Variants in GRIN2A observed in about 807,000 individuals in gnomAD.
GRIN2A encodes glutamate ionotropic receptor NMDA type subunit 2A.
Under a neutral mutation model 113.4 loss-of-function variants are expected in GRIN2A, and 22 were observed. The observed-to-expected ratio is 0.19, with a 90% CI of 0.14 to 0.28. The LOEUF is 0.28. Among genes scored for constraint, GRIN2A ranks in the 10% least tolerant of loss-of-function variants. GRIN2A has a pLI of 1.00. For missense variants in GRIN2A, 1,502 were observed against 1,887.0 expected (o/e 0.80, Z 3.78); for synonymous variants, 827 against 738.4 (o/e 1.12, Z -1.94).
intron 2 of GRIN2A, among the ~76,000 whole-genome samples, chr16:9,991,876 A>G (rs1268938449): frequency 6.6e-6 from 1 of 152,154 alleles, no homozygotes; most frequent in African/African-American, 2.4e-5. Context: ...CAGTGAGGGG[A>G]AGATCACACA....
intron 2 of GRIN2A, among the ~76,000 whole-genome samples, chr16:10,009,509 A>G (rs1280995115): frequency 2.0e-5 from 3 of 152,070 alleles, no homozygotes; most frequent in East Asian, 1.9e-4. Context: ...ATTCGGCTCA[A>G]TTCCCAAGGA....
intron 2 of GRIN2A, among the ~76,000 whole-genome samples, chr16:10,010,693 C>G (rs1303507097): frequency 6.6e-6 from 1 of 152,140 alleles, no homozygotes; most frequent in Non-Finnish European, 1.5e-5. Flanking sequence ...GGACTCAGCT[C>G]AGAGAGGAGG....
At chr16:10,112,792 C>A in intron 2 of GRIN2A, 1 of 694,282 alleles carries the variant, frequency 1.4e-6, no homozygotes, top group Non-Finnish European at 2.7e-6. Flanking sequence ...ATGATGTACT[C>A]AGGAGAGCTC....
chr16:9,946,232 G>C (rs2045015165), intron 2 of GRIN2A, among the ~76,000 whole-genome samples: 1 of 152,134 alleles, frequency 6.6e-6, no homozygotes, highest in Non-Finnish European at 1.5e-5. Context: ...CAACATGCAG[G>C]TGAGCATCTG....
chr16:10,019,016 A>G (rs1265820428), intron 2 of GRIN2A, among the ~76,000 whole-genome samples: 4 of 152,072 alleles, frequency 2.6e-5, no homozygotes, highest in Non-Finnish European at 4.4e-5. Context: ...TGTTTTTAAC[A>G]ATGATCATCC....
At chr16:9,985,267 G>A (rs7190619) in intron 2 of GRIN2A, among the ~76,000 whole-genome samples, 15,658 of 152,014 alleles carry the variant, frequency 0.1, 947 homozygotes, top group African/African-American at 0.14. Context: ...ATTTTATATG[G>A]TCCCGCATTT....
chr16:10,104,790 T>C (rs1225885973), intron 2 of GRIN2A, among the ~76,000 whole-genome samples: 7 of 152,126 alleles, frequency 4.6e-5, no homozygotes, highest in Non-Finnish European at 8.8e-5. Flanking sequence ...GACCCCACTG[T>C]GTGCAGGGGC....
At chr16:9,774,510 C>T (rs1336067164) in intron 11 of GRIN2A, among the ~76,000 whole-genome samples, 1 of 152,188 alleles carries the variant, frequency 6.6e-6, no homozygotes, top group East Asian at 1.9e-4. Flanking sequence ...TCCAACTACT[C>T]ATCCATTCAT....
rs533181104 is a variant in GRIN2A, at chr16:9,960,953, G to GAGC, written c.415-22403_415-22402insGCT. ...AATTTTCTTAGTCTCAATTTCCTGAGTTATACACTTGAGCTAATAACATTT... is the reference window on the plus strand; with the variant it reads ...AATTTTCTTAGTCTCAATTTCCTGAGAGCTTATACACTTGAGCTAATAACATTT... On this transcript the variant is annotated intron_variant, in intron 2 of 12. Coordinates refer to ENST00000330684, the MANE Select transcript of GRIN2A (RefSeq NM_001134407.3). 1.7e-3 allele frequency among the ~76,000 whole-genome samples: 264 copies of GAGC among 152,240 alleles called. 1 individual carries two copies. The highest frequency in any genetic ancestry group is 6.0e-3 in the African/African-American group (251 of 41,550).
chr16:10,086,463 T>C (rs2142069011), intron 2 of GRIN2A, among the ~76,000 whole-genome samples: 1 of 152,186 alleles, frequency 6.6e-6, no homozygotes, highest in South Asian at 2.1e-4. Context: ...ACATAAGATG[T>C]TTGTGGCAAC....
chr16:9,912,355 C>T (rs1394802579), intron 3 of GRIN2A, among the ~76,000 whole-genome samples: 6 of 151,924 alleles, frequency 3.9e-5, no homozygotes, highest in Admixed American at 3.9e-4. Flanking sequence ...ATACCAATGT[C>T]GGCATCATTT....
At chr16:9,982,987 T>G (rs995110088) in intron 2 of GRIN2A, among the ~76,000 whole-genome samples, 1 of 152,206 alleles carries the variant, frequency 6.6e-6, no homozygotes, top group Non-Finnish European at 1.5e-5. Flanking sequence ...CTGATACTTT[T>G]TAAATTGACA....
At chr16:9,833,712 C>T (rs2141324073) in intron 8 of GRIN2A, among the ~76,000 whole-genome samples, 1 of 152,282 alleles carries the variant, frequency 6.6e-6, no homozygotes, top group Non-Finnish European at 1.5e-5. Context: ...TACACCAACG[C>T]AGTATAATGT....
intron 4 of GRIN2A, among the ~76,000 whole-genome samples, chr16:9,870,744 TCTC>T (rs1320892885): frequency 6.6e-6 from 1 of 151,966 alleles, no homozygotes; most frequent in African/African-American, 2.4e-5. Context: ...TTCAAGCAAT[TCTC>T]CTGCCTCAGC....
chr16:10,038,370 T>A (rs1407633450), intron 2 of GRIN2A, among the ~76,000 whole-genome samples: 1 of 152,126 alleles, frequency 6.6e-6, no homozygotes, highest in Non-Finnish European at 1.5e-5. Context: ...GCACTTTTCC[T>A]CCTCTTGTCT....
At chr16:9,983,800 C>G (rs2045933929) in intron 2 of GRIN2A, among the ~76,000 whole-genome samples, 2 of 152,208 alleles carry the variant, frequency 1.3e-5, no homozygotes, top group African/African-American at 4.8e-5. Context: ...ACATTTTCTT[C>G]ATCTGTTAAT....
At chr16:10,069,193 G>A (rs895723971) in intron 2 of GRIN2A, among the ~76,000 whole-genome samples, 1 of 152,200 alleles carries the variant, frequency 6.6e-6, no homozygotes, top group Admixed American at 6.5e-5. Flanking sequence ...GACCAGTGGA[G>A]GCTGCTTCAT....
intron 2 of GRIN2A, among the ~76,000 whole-genome samples, chr16:10,002,337 A>G (rs2046334711): frequency 6.6e-6 from 1 of 152,232 alleles, no homozygotes; most frequent in Admixed American, 6.5e-5. Context: ...TTGCCAATAG[A>G]TCTCCAACTA....
At chr16:10,094,637 A>G (rs759390454) in intron 2 of GRIN2A, among the ~76,000 whole-genome samples, 1 of 151,928 alleles carries the variant, frequency 6.6e-6, no homozygotes, top group African/African-American at 2.4e-5. Flanking sequence ...TTTAGTAGAG[A>G]CAGGGTTTCA....
Sources: allele counts gnomAD v4.1 joint callset (sites outside exome capture counted in the v4.1 genomes callset), GRCh38; gene constraint gnomAD v4.1.1; transcripts MANE v1.5; gene names NCBI Gene and HGNC (gene_info 2026-07-23, HGNC 2026-07-21).